Variants in SYN2 observed in about 807,000 individuals in gnomAD.
SYN2 encodes synapsin II.
In SYN2, 19 loss-of-function variants were observed where a neutral mutation model predicts 50.9. The ratio of observed to expected loss-of-function variants is 0.37; its 90% CI spans 0.26 to 0.55. SYN2 has a LOEUF of 0.55. Ranked by LOEUF, SYN2 falls within the 20% of genes least tolerant of loss-of-function variation. SYN2 has a pLI of 0.81. For missense variants in SYN2, 587 were observed against 576.4 expected (o/e 1.02, Z -0.19); for synonymous variants, 255 against 224.9 (o/e 1.13, Z -1.20).
intron 1 of SYN2, among the ~76,000 whole-genome samples, chr3:12,105,512 G>A (rs969360480): frequency 7.8e-6 from 1 of 128,316 alleles, no homozygotes; most frequent in Non-Finnish European, 1.7e-5. Flanking sequence ...TCTTCTAGTG[G>A]TGTTTGTCCT....
At chr3:12,137,208 A>G (rs1318114799) in intron 1 of SYN2, among the ~76,000 whole-genome samples, 3 of 150,466 alleles carry the variant, frequency 2.0e-5, no homozygotes, top group Admixed American at 6.7e-5. Context: ...TGATTGCACC[A>G]CTGCACTCTA....
At chr3:12,066,624 T>C (rs532288677) in intron 1 of SYN2, among the ~76,000 whole-genome samples, 5 of 152,266 alleles carry the variant, frequency 3.3e-5, no homozygotes, top group South Asian at 2.1e-4. Context: ...TGTGTACTTA[T>C]ATCAGAATAT....
At chr3:12,019,067 TATATC>T (rs1694077152) in intron 1 of SYN2, among the ~76,000 whole-genome samples, 1 of 152,228 alleles carries the variant, frequency 6.6e-6, no homozygotes. Flanking sequence ...TCTGTGGACA[TATATC>T]TTATGACCTG....
chr3:12,145,601 G>A (rs1697127688), intron 3 of SYN2, 78 bp from the exon 4 acceptor site: 1 of 1,521,270 alleles, frequency 6.6e-7, no homozygotes, highest in Non-Finnish European at 8.9e-7. Context: ...TTTATCTTGG[G>A]TTTTGGAAAT....
chr3:12,173,572 C>G (rs1697984509), intron 10 of SYN2, among the ~76,000 whole-genome samples: 3 of 152,160 alleles, frequency 2.0e-5, no homozygotes, highest in Admixed American at 1.3e-4. Flanking sequence ...CCTATCCTCT[C>G]TAGTCAGCAT....
chr3:12,100,813 T>C (rs764881695), intron 1 of SYN2, among the ~76,000 whole-genome samples: 8 of 152,118 alleles, frequency 5.3e-5, no homozygotes, highest in Non-Finnish European at 1.2e-4. Flanking sequence ...GGGATTTAAA[T>C]AGACATTTCT....
At chr3:12,093,998 A>G (rs1695879959) in intron 1 of SYN2, among the ~76,000 whole-genome samples, 1 of 152,016 alleles carries the variant, frequency 6.6e-6, no homozygotes, top group Non-Finnish European at 1.5e-5. Context: ...CTGGGACTAC[A>G]GGCACATGCC....
At chr3:12,036,519 G>T (rs1284263122) in intron 1 of SYN2, among the ~76,000 whole-genome samples, 1 of 152,158 alleles carries the variant, frequency 6.6e-6, no homozygotes, top group East Asian at 1.9e-4. Flanking sequence ...GAGGAACACT[G>T]TACTGGCATG....
At chr3:12,049,889 A>G (rs1694817250) in intron 1 of SYN2, among the ~76,000 whole-genome samples, 4 of 152,304 alleles carry the variant, frequency 2.6e-5, no homozygotes, top group Admixed American at 6.5e-5. Flanking sequence ...CTAAGCAGGC[A>G]CCAGAACTGT....
intron 3 of SYN2, among the ~76,000 whole-genome samples, chr3:12,144,972 A>G (rs1428484427): frequency 6.6e-6 from 1 of 152,176 alleles, no homozygotes; most frequent in Admixed American, 6.5e-5. Flanking sequence ...CGGAGGTTGC[A>G]ATGAGCTGAG....
chr3:12,095,043 A>T (rs572042174), intron 1 of SYN2, among the ~76,000 whole-genome samples: 27 of 152,320 alleles, frequency 1.8e-4, no homozygotes, highest in Middle Eastern at 3.4e-3. Context: ...GCAAAGTAAG[A>T]TGGCCTAAGT....
chr3:12,004,449 C>T lies in SYN2; in HGVS notation c.-103C>T, dbSNP rs73135622. The stretch of plus-strand genomic sequence containing the variant: ...GCCTGAGTCTCTGCTGGCTAAGCCG[C>T]CGCCTCAGCCGCCTCAGTCGCCTCA... On this transcript the variant is annotated 5_prime_UTR_variant, in exon 1 of 13. Coordinates refer to ENST00000621198, the MANE Select transcript of SYN2 (RefSeq NM_133625.6). 6.3e-6 allele frequency: 2 copies of T among 317,586 alleles called. No homozygotes were observed. The highest frequency in any genetic ancestry group is 1.2e-5 in the Non-Finnish European group (2 of 164,234). 19.7% of individuals were successfully genotyped at this position (317,586 alleles called of 1,614,324 possible).
In SYN2 at chr3:12,049,062, T is replaced by C. The variant is rs148482137; in HGVS notation, c.377+44134T>C. ...AGCCCTTGAAGTTTGGGAATGTACA[T>C]GGACCCTTCTTTCTCATTCATTGAG... On this transcript the variant is annotated intron_variant, in intron 1 of 12. Coordinates refer to ENST00000621198, the MANE Select transcript of SYN2 (RefSeq NM_133625.6). 1.1e-3 allele frequency among the ~76,000 whole-genome samples: 166 copies of C among 152,336 alleles called. 1 individual carries two copies. Among genetic ancestry groups the C allele is most frequent in the African/African-American group, 3.9e-3 (163 of 41,578 alleles).
chr3:12,169,700 A>G (rs561860982), intron 9 of SYN2, 57 bp from the exon 10 acceptor site: 25 of 1,596,070 alleles, frequency 1.6e-5, no homozygotes, highest in African/African-American at 1.3e-4. Context: ...GAAAGATTGT[A>G]CCAGGCCATT....
At position 12,187,384 on chromosome 3, in the gene SYN2, C is replaced by T. The variant is rs1698362243; in HGVS notation, c.1385C>T (p.Pro462Leu). 6.5e-7 allele frequency: 1 copy of T among 1,547,290 alleles called. No homozygotes were observed. ...RPPPQGGPGQ[P>L]QGMQPPGKVL... Reference sequence around the variant, plus strand: ...CTGAACCTAGGGGGCCCTGGGCAACCCCAAGGAATGCAGCCCCCAGGCAAG... The same window carrying T: ...CTGAACCTAGGGGGCCCTGGGCAACTCCAAGGAATGCAGCCCCCAGGCAAG... The change falls in exon 12 of 13, where the codon CCC becomes CTC. Residue 462 changes from proline to leucine, a missense_variant. Pro to Leu is a moderately conservative substitution (Grantham distance 98, BLOSUM62 -3). Coordinates refer to ENST00000621198, the MANE Select transcript of SYN2 (RefSeq NM_133625.6).
intron 1 of SYN2, among the ~76,000 whole-genome samples, chr3:12,078,065 G>C (rs536279462): frequency 3.9e-5 from 6 of 152,278 alleles, no homozygotes; most frequent in African/African-American, 1.4e-4. Flanking sequence ...ATTCTCTAAT[G>C]ATCAGTGATG....
At chr3:12,140,826 T>C in intron 2 of SYN2, 118 bp downstream of exon 2, 1 of 700,862 alleles carries the variant, frequency 1.4e-6, no homozygotes, top group South Asian at 1.5e-5. Flanking sequence ...GGTTCTGGAC[T>C]CTGCATCTCC....
chr3:12,152,591 A>G (rs1697331352), intron 5 of SYN2, among the ~76,000 whole-genome samples: 1 of 152,114 alleles, frequency 6.6e-6, no homozygotes, highest in East Asian at 1.9e-4. Context: ...CTTTTCCCTC[A>G]AGGGCCTTTG....
intron 6 of SYN2, 156 bp downstream of exon 6, chr3:12,161,764 C>A: frequency 3.0e-6 from 3 of 1,014,572 alleles, no homozygotes; most frequent in Non-Finnish European, 2.9e-6. Flanking sequence ...GTCACCCAAC[C>A]AGACCTCTTT....
Sources: gnomAD v4.1 joint callset for allele counts (sites outside exome capture counted in the v4.1 genomes callset) on GRCh38, gnomAD v4.1.1 for gene constraint, MANE v1.5 for transcripts, NCBI Gene and HGNC (gene_info 2026-07-23, HGNC 2026-07-21) for gene names.